NCOA1: variants seen among roughly 807,000 people sequenced by gnomAD.
NCOA1 encodes Hin-2 protein.
In NCOA1, 35 loss-of-function variants were observed where a neutral mutation model predicts 150.9. That is an observed-to-expected ratio of 0.23 (90% CI 0.18 to 0.31). The LOEUF (loss-of-function observed/expected upper bound fraction) is 0.31, where lower values mean the gene tolerates loss of function less well. Among genes scored for constraint, NCOA1 ranks in the 10% least tolerant of loss-of-function variants. The pLI is 1.00. For missense variants in NCOA1, 1,491 were observed against 1,749.3 expected, an observed-to-expected ratio of 0.85 and a Z score of 2.63; for synonymous variants, 590 against 630.0, an observed-to-expected ratio of 0.94 and a Z score of 0.95.
At chr2:24,527,254 A>C (rs998810931) in intron 1 of NCOA1, among the ~76,000 whole-genome samples, 15 of 152,152 alleles carry the variant, frequency 9.9e-5, no homozygotes, top group Admixed American at 7.2e-4. Context: ...TGTACATTAG[A>C]TCTTTAGACT....
In NCOA1 at chr2:24,658,744, C is replaced by A; in HGVS notation, c.67C>A (p.Pro23Thr). 1.2e-6 allele frequency: 2 copies of A among 1,614,008 alleles called. No homozygotes were observed. Among genetic ancestry groups the A allele is most frequent in the Non-Finnish European group, 1.7e-6 (2 of 1,179,918 alleles). ...NPDSHKRKGS[P>T]CDTLASSTEK... is the part of the protein sequence containing the mutation. ...AGACTCACATAAGAGGAAAGGATCG[C>A]CATGTGACACACTGGCATCAAGGTA... Residue 23 changes from proline to threonine, a missense_variant, in exon 5 of 23, where the codon CCA becomes ACA. Physicochemically the swap from Pro to Thr is conservative, Grantham distance 38. Transcript: ENST00000348332.
intron 14 of NCOA1, among the ~76,000 whole-genome samples, chr2:24,718,560 G>A (rs115088705): frequency 7.6e-4 from 116 of 151,844 alleles, no homozygotes; most frequent in Non-Finnish European, 1.5e-3. Context: ...GGGTGGGCGC[G>A]GTGGCTCACA....
At chr2:24,572,950 A>G (rs998968007) in intron 2 of NCOA1, among the ~76,000 whole-genome samples, 1 of 152,206 alleles carries the variant, frequency 6.6e-6, no homozygotes, top group African/African-American at 2.4e-5. Flanking sequence ...ACAAATGTGT[A>G]TGACAAACCC....
intron 1 of NCOA1, among the ~76,000 whole-genome samples, chr2:24,510,429 C>G (rs1663887496): frequency 6.6e-6 from 1 of 152,174 alleles, no homozygotes. Context: ...TGACTGCAGC[C>G]TCAAACTCCT....
intron 16 of NCOA1, 112 bp downstream of exon 16, chr2:24,728,588 T>A: frequency 1.2e-6 from 1 of 854,858 alleles, no homozygotes; most frequent in Non-Finnish European, 1.7e-6. Context: ...GTTTTATAAT[T>A]TACCTCTTGT....
chr2:24,680,243 A>G (rs1165188205), intron 7 of NCOA1, among the ~76,000 whole-genome samples: 1 of 152,188 alleles, frequency 6.6e-6, no homozygotes, highest in African/African-American at 2.4e-5. Flanking sequence ...ACTTCCCATA[A>G]TAGATGTTCT....
chr2:24,508,022 A>C (rs1289311402), intron 1 of NCOA1, among the ~76,000 whole-genome samples: 1 of 152,188 alleles, frequency 6.6e-6, no homozygotes, highest in Non-Finnish European at 1.5e-5. Flanking sequence ...CATTTAATTT[A>C]CCTTAAGCTA....
chr2:24,519,928 A>G (rs753276075), intron 1 of NCOA1, among the ~76,000 whole-genome samples: 1 of 152,234 alleles, frequency 6.6e-6, no homozygotes, highest in Non-Finnish European at 1.5e-5. Flanking sequence ...TTAAGGAAAC[A>G]TAAAACCTAA....
intron 7 of NCOA1, chr2:24,676,177 T>C (rs1671903749): frequency 1.3e-5 from 2 of 154,710 alleles, no homozygotes; most frequent in Middle Eastern, 1.3e-3. Flanking sequence ...TTTACTCATG[T>C]GACCTGGGAT....
chr2:24,682,925 A>C (rs1672243137), intron 7 of NCOA1, 26 bp from the exon 8 acceptor site: 1 of 1,555,572 alleles, frequency 6.4e-7, no homozygotes, highest in African/African-American at 1.4e-5. Context: ...CAACCTCCAA[A>C]CCATTTTTTT....
intron 22 of NCOA1, among the ~76,000 whole-genome samples, chr2:24,764,987 G>T (rs1035951706): frequency 2.0e-5 from 3 of 152,144 alleles, no homozygotes; most frequent in Admixed American, 2.0e-4. Flanking sequence ...TTTGAGACCA[G>T]CCTGGCCAAC....
chr2:24,662,137 C>A (rs977120619), intron 5 of NCOA1, among the ~76,000 whole-genome samples: 1 of 152,112 alleles, frequency 6.6e-6, no homozygotes, highest in Non-Finnish European at 1.5e-5. Context: ...GTTTCTGTCT[C>A]CCCAAACAGA....
intron 3 of NCOA1, among the ~76,000 whole-genome samples, chr2:24,625,172 A>G (rs1669350541): frequency 6.6e-6 from 1 of 152,130 alleles, no homozygotes; most frequent in Non-Finnish European, 1.5e-5. Flanking sequence ...GTCATGAAAT[A>G]TTATGCTTCC....
chr2:24,502,058 C>T (rs113678294), intron 1 of NCOA1, among the ~76,000 whole-genome samples: 1,881 of 152,320 alleles, frequency 0.012, 36 homozygotes, highest in African/African-American at 0.043. Context: ...TGCACAACTA[C>T]CTGGCCCTCC....
chr2:24,516,436 C>T (rs1206790819), intron 1 of NCOA1, among the ~76,000 whole-genome samples: 1 of 151,572 alleles, frequency 6.6e-6, no homozygotes, highest in Non-Finnish European at 1.5e-5. Flanking sequence ...TCATGATCTG[C>T]TAGCCTCGGC....
In NCOA1 at chr2:24,711,077, G is replaced by A; in HGVS notation, c.2565G>A (p.Gln855=). The A allele has an allele frequency of 6.2e-7, 1 of 1,614,094 alleles. No individual in the cohort carries two copies. The highest frequency in any genetic ancestry group is 8.5e-7 in the Non-Finnish European group (1 of 1,179,994). The change falls in exon 14 of 23, where the codon CAG becomes CAA. Residue 855 remains glutamine, a synonymous_variant. Transcript: ENST00000348332. ...IKSEILPASL[Q]SATARPTSRL... is the part of the protein sequence containing the mutation. ...CGGAGATCCTGCCAGCTTCACTTCAGTCCGCCACTGCCAGACCCACTTCCA... is the reference window on the plus strand; with the variant it reads ...CGGAGATCCTGCCAGCTTCACTTCAATCCGCCACTGCCAGACCCACTTCCA...
At chr2:24,583,882 A>G (rs1313106125) in intron 2 of NCOA1, among the ~76,000 whole-genome samples, 1 of 152,194 alleles carries the variant, frequency 6.6e-6, no homozygotes, top group East Asian at 1.9e-4. Context: ...GTGGTTAATA[A>G]AGGCAGGAAG....
intron 5 of NCOA1, among the ~76,000 whole-genome samples, chr2:24,659,858 A>C (rs558744663): frequency 3.3e-5 from 5 of 152,126 alleles, no homozygotes; most frequent in Non-Finnish European, 7.4e-5. Context: ...AATGTCTCCA[A>C]ACATTGCCAA....
At chr2:24,740,311 A>C (rs1366939872) in intron 18 of NCOA1, among the ~76,000 whole-genome samples, 2 of 152,192 alleles carry the variant, frequency 1.3e-5, no homozygotes. Flanking sequence ...TTATTAGGCA[A>C]CTTCATAATT....
Sources: gnomAD v4.1 joint callset for allele counts (sites outside exome capture counted in the v4.1 genomes callset) on GRCh38, gnomAD v4.1.1 for gene constraint, MANE v1.5 for transcripts, NCBI Gene and HGNC (gene_info 2026-07-23, HGNC 2026-07-21) for gene names.